The following MICU1 variants were observed in gnomAD, a reference collection of about 807,000 sequenced individuals.
MICU1 encodes calcium uptake protein 1, mitochondrial.
MICU1 carries 45 observed loss-of-function variants against 56.8 expected under a neutral mutation model. The observed-to-expected ratio is 0.79, with a 90% confidence interval of 0.62 to 1.02. The LOEUF (loss-of-function observed/expected upper bound fraction) is 1.02, where lower values mean the gene tolerates loss of function less well. MICU1 is among the 50% of genes least tolerant of loss of function. The pLI is 0.00. For missense variants in MICU1, 504 were observed against 587.1 expected, an observed-to-expected ratio of 0.86 and a Z score of 1.46; for synonymous variants, 186 against 195.1, an observed-to-expected ratio of 0.95 and a Z score of 0.39.
intron 1 of MICU1, among the ~76,000 whole-genome samples, chr10:72,570,428 CTG>C (rs1406548675): frequency 6.6e-6 from 1 of 152,126 alleles, no homozygotes; most frequent in Non-Finnish European, 1.5e-5. Context: ...TTTCACATGT[CTG>C]TGTACAAACT....
intron 10 of MICU1, among the ~76,000 whole-genome samples, chr10:72,403,742 G>C (rs1460115155): frequency 6.6e-6 from 1 of 150,566 alleles, no homozygotes; most frequent in Non-Finnish European, 1.5e-5. Context: ...TGCAACCTCT[G>C]CCTCCTGGGT....
chr10:72,400,914 T>C (rs1863433214), intron 10 of MICU1, among the ~76,000 whole-genome samples: 1 of 151,148 alleles, frequency 6.6e-6, no homozygotes, highest in African/African-American at 2.4e-5. Context: ...CCCTATATGA[T>C]ATCATTAACT....
intron 6 of MICU1, among the ~76,000 whole-genome samples, chr10:72,495,394 G>A (rs575922249): frequency 3.3e-5 from 5 of 152,200 alleles, no homozygotes; most frequent in Admixed American, 6.5e-5. Flanking sequence ...AGTGGCTCAC[G>A]CCTGTAATCC....
At chr10:72,554,346 T>C (rs1840107617) in intron 3 of MICU1, among the ~76,000 whole-genome samples, 1 of 152,246 alleles carries the variant, frequency 6.6e-6, no homozygotes, top group Non-Finnish European at 1.5e-5. Context: ...AGGTGTCTTA[T>C]GATAAAATAA....
intron 8 of MICU1, among the ~76,000 whole-genome samples, chr10:72,448,193 ATTTTTTT>A (rs71018289): frequency 2.2e-4 from 8 of 36,816 alleles, no homozygotes; most frequent in Admixed American, 2.2e-3. Context: ...ATATATATAT[ATTTTTTT>A]TTTTTTTTTT....
chr10:72,509,664 G>A (rs545187140), intron 5 of MICU1, among the ~76,000 whole-genome samples: 7 of 152,250 alleles, frequency 4.6e-5, no homozygotes, highest in African/African-American at 9.6e-5. Flanking sequence ...CTTCTTTTGC[G>A]GCTCACAGAA....
At chr10:72,474,857 AC>A (rs1404846914) in intron 8 of MICU1, among the ~76,000 whole-genome samples, 4 of 152,212 alleles carry the variant, frequency 2.6e-5, no homozygotes, top group African/African-American at 9.7e-5. Context: ...AACGGAACAT[AC>A]AAAGACAGCT....
At chr10:72,475,335 G>C in intron 7 of MICU1, 38 bp from the exon 8 acceptor site, 1 of 1,504,340 alleles carries the variant, frequency 6.6e-7, no homozygotes. Flanking sequence ...AAAAATATTA[G>C]GAAGTGAGAA....
rs577087346 is a variant in MICU1, at chr10:72,601,011, GGAA to G, written c.-2+24996_-2+24998del. On this transcript the variant is annotated intron_variant, in intron 1 of 11. Transcript: ENST00000361114. ...CAGGATGGTAATTTATCTCCTCAGG[GGAA>G]GAAGAAGTTGTGATCAGGAAAGGGT... Among the ~76,000 whole-genome samples, 485 of 152,252 alleles carry G rather than the reference GGAA, an allele frequency of 3.2e-3. 2 individuals carry two copies. Among genetic ancestry groups the G allele is most frequent in the African/African-American group, 0.011 (456 of 41,548 alleles).
intron 1 of MICU1, among the ~76,000 whole-genome samples, chr10:72,586,484 C>G (rs893974767): frequency 2.6e-5 from 4 of 151,958 alleles, no homozygotes; most frequent in African/African-American, 4.8e-5. Context: ...AACCCCATCT[C>G]TACTAAAAAT....
intron 3 of MICU1, among the ~76,000 whole-genome samples, chr10:72,562,154 T>TTTTTTTTTTTTTTTTTTTTTTTTTTTC: frequency 7.2e-6 from 1 of 138,062 alleles, no homozygotes; most frequent in Non-Finnish European, 1.6e-5. Flanking sequence ...AATCTTTTTT[T>TTTTTTTTTTTTTTTTTTTTTTTTTTTC]TTTTTTTTTT....
intron 8 of MICU1, among the ~76,000 whole-genome samples, chr10:72,437,477 A>C (rs1347301677): frequency 2.0e-5 from 3 of 152,232 alleles, no homozygotes; most frequent in African/African-American, 7.2e-5. Flanking sequence ...AGCATGAAGA[A>C]ACTGCATAAT....
At chr10:72,457,192 G>C (rs1865498162) in intron 8 of MICU1, among the ~76,000 whole-genome samples, 1 of 151,002 alleles carries the variant, frequency 6.6e-6, no homozygotes, top group South Asian at 2.1e-4. Context: ...GAAGGAGTGG[G>C]TTAGAAACTG....
At chr10:72,515,071 C>T (rs909719382) in intron 5 of MICU1, among the ~76,000 whole-genome samples, 8 of 152,168 alleles carry the variant, frequency 5.3e-5, no homozygotes, top group Non-Finnish European at 1.2e-4. Context: ...CAGGTTGATG[C>T]CCACATCCAG....
chr10:72,533,206 A>G (rs1839539208), intron 5 of MICU1: 2 of 1,101,666 alleles, frequency 1.8e-6, no homozygotes, highest in East Asian at 5.8e-5. Context: ...AGACAATAAA[A>G]CTGAAAGTCT....
At chr10:72,604,127 G>T (rs1479181334) in intron 1 of MICU1, among the ~76,000 whole-genome samples, 1 of 151,870 alleles carries the variant, frequency 6.6e-6, no homozygotes, top group Non-Finnish European at 1.5e-5. Context: ...AAATTCCATG[G>T]AACTTTTTTA....
intron 1 of MICU1, among the ~76,000 whole-genome samples, chr10:72,588,140 A>C (rs542608168): frequency 6.6e-6 from 1 of 152,250 alleles, no homozygotes; most frequent in South Asian, 2.1e-4. Context: ...CTGGCTGTTT[A>C]AAAGTGTGTA....
intron 1 of MICU1, among the ~76,000 whole-genome samples, chr10:72,588,215 C>T (rs1841119049): frequency 6.6e-6 from 1 of 152,112 alleles, no homozygotes; most frequent in African/African-American, 2.4e-5. Context: ...TCCCCTTTAC[C>T]TTCTGCCATA....
chr10:72,558,515 G>A (rs1412011315), intron 3 of MICU1, among the ~76,000 whole-genome samples: 1 of 152,098 alleles, frequency 6.6e-6, no homozygotes, highest in African/African-American at 2.4e-5. Context: ...AAGAAGCTAC[G>A]GCAGGGCTTC....
Sources: gnomAD v4.1 joint callset for allele counts (sites outside exome capture counted in the v4.1 genomes callset) on GRCh38, gnomAD v4.1.1 for gene constraint, MANE v1.5 for transcripts, NCBI Gene and HGNC (gene_info 2026-07-23, HGNC 2026-07-21) for gene names.